The following USP24 variants were observed in gnomAD, a reference collection of about 807,000 sequenced individuals.
USP24 encodes ubiquitin specific peptidase 24, also known as ubiquitin carboxyl-terminal hydrolase 24.
In USP24, 97 loss-of-function variants were observed where a neutral mutation model predicts 361.6. That is an observed-to-expected ratio of 0.27 (90% CI 0.23 to 0.32). USP24 has a LOEUF of 0.32. Among genes scored for constraint, USP24 ranks in the 10% least tolerant of loss-of-function variants. The pLI, the probability that USP24 is intolerant of heterozygous loss-of-function variation, is 1.00. For missense variants in USP24, 2,353 were observed against 3,165.6 expected (o/e 0.74, Z 6.16); for synonymous variants, 1,098 against 1,124.6 (o/e 0.98, Z 0.47).
intron 1 of USP24, among the ~76,000 whole-genome samples, chr1:55,207,838 G>A (rs996423631): frequency 1.3e-5 from 2 of 152,160 alleles, no homozygotes; most frequent in African/African-American, 2.4e-5. Flanking sequence ...AATGAATTTT[G>A]CAATACAAAT....
intron 4 of USP24, 89 bp downstream of exon 4, chr1:55,172,288 T>C (rs1649531622): frequency 5.0e-6 from 6 of 1,200,918 alleles, no homozygotes; most frequent in Non-Finnish European, 6.6e-6. Flanking sequence ...ATAAAATTAT[T>C]ATCACTCATT....
intron 38 of USP24, among the ~76,000 whole-genome samples, chr1:55,115,321 C>T (rs1268929771): frequency 6.6e-6 from 1 of 151,456 alleles, no homozygotes; most frequent in Non-Finnish European, 1.5e-5. Context: ...ACGGTGAAAC[C>T]CCGTCTCTAC....
chr1:55,132,061 A>C (rs1325011048), intron 31 of USP24, among the ~76,000 whole-genome samples: 1 of 152,194 alleles, frequency 6.6e-6, no homozygotes, highest in Non-Finnish European at 1.5e-5. Flanking sequence ...CTGTTCCCTT[A>C]ACCACCACCA....
At chr1:55,212,086 T>C (rs1395414791) in intron 1 of USP24, among the ~76,000 whole-genome samples, 1 of 152,118 alleles carries the variant, frequency 6.6e-6, no homozygotes, top group African/African-American at 2.4e-5. Flanking sequence ...CCCCACCTCT[T>C]CTATTAACTG....
At chr1:55,211,397 C>T (rs1644843315) in intron 1 of USP24, among the ~76,000 whole-genome samples, 1 of 152,188 alleles carries the variant, frequency 6.6e-6, no homozygotes, top group South Asian at 2.1e-4. Flanking sequence ...CTAGTGAGAA[C>T]CAAACACATC....
At chr1:55,114,767 G>A (rs374649977) in intron 38 of USP24, among the ~76,000 whole-genome samples, 3 of 152,088 alleles carry the variant, frequency 2.0e-5, no homozygotes, top group Admixed American at 6.5e-5. Context: ...AGACTTAAAC[G>A]TAAGACCTAA....
intron 60 of USP24, among the ~76,000 whole-genome samples, chr1:55,078,946 CAA>C (rs112282583): frequency 0.17 from 11,513 of 68,798 alleles, 745 homozygotes; most frequent in African/African-American, 0.3. Flanking sequence ...AAATATTAAG[CAA>C]AAAAAAAAAA....
At chr1:55,204,722 T>G (rs1644661354) in intron 1 of USP24, among the ~76,000 whole-genome samples, 4 of 152,232 alleles carry the variant, frequency 2.6e-5, no homozygotes, top group Non-Finnish European at 5.9e-5. Flanking sequence ...TCTGATTTGT[T>G]CACCATTGTA....
chr1:55,072,728 C>G, intron 65 of USP24, 58 bp downstream of exon 65: 1 of 1,484,392 alleles, frequency 6.7e-7, no homozygotes, highest in Non-Finnish European at 9.1e-7. Context: ...TTTTTCCTGA[C>G]AAGATGTGCT....
Position 55,125,376 on chromosome 1 carries a change from C to G in USP24, c.3904G>C (p.Asp1302His). 6.2e-7 allele frequency: 1 copy of G among 1,614,004 alleles called. No homozygotes were observed. The highest frequency in any genetic ancestry group is 8.5e-7 in the Non-Finnish European group (1 of 1,179,886). ...TCCTCAACCCTAATAGAAGACCTAT[C>G]AGACACGGACAACTGTCGGTAGGAT... is the stretch of plus-strand genomic sequence containing the variant. ...KSSYRQLSVS[D>H]RSSIRVEEII... Residue 1302 changes from aspartate to histidine, a missense_variant, in exon 34 of 68, where the codon GAT becomes CAT. Physicochemically the swap from Asp to His is moderately conservative, Grantham distance 81. This residue lies in a region of USP24 where 949 missense variants were observed against 1,280.5 expected (regional missense o/e 0.74). Coordinates refer to ENST00000294383, the MANE Select transcript of USP24 (RefSeq NM_015306.3).
intron 56 of USP24, among the ~76,000 whole-genome samples, chr1:55,085,078 T>C (rs1645223871): frequency 6.6e-6 from 1 of 152,070 alleles, no homozygotes; most frequent in South Asian, 2.1e-4. Flanking sequence ...ATTTTGCATC[T>C]AGGTAGGATT....
intron 21 of USP24, 28 bp from the exon 22 acceptor site, chr1:55,143,147 T>C (rs1215026295): frequency 4.9e-6 from 7 of 1,441,844 alleles, no homozygotes; most frequent in Non-Finnish European, 5.5e-6. Flanking sequence ...AATTAAATTA[T>C]AAAGCATATC....
chr1:55,208,851 G>A (rs1459464967), intron 1 of USP24, among the ~76,000 whole-genome samples: 2 of 150,486 alleles, frequency 1.3e-5, no homozygotes, highest in East Asian at 2.0e-4. Flanking sequence ...CAGAAGAATC[G>A]CTTGAAACTG....
chr1:55,165,841 T>C, intron 7 of USP24, 44 bp downstream of exon 7: 1 of 1,514,864 alleles, frequency 6.6e-7, no homozygotes, highest in South Asian at 1.3e-5. Flanking sequence ...CCAACTCAAG[T>C]GAAATGAATT....
chr1:55,159,278 G>T (rs1339848965), intron 9 of USP24, among the ~76,000 whole-genome samples: 1 of 152,142 alleles, frequency 6.6e-6, no homozygotes, highest in African/African-American at 2.4e-5. Flanking sequence ...AATTTAAATG[G>T]TAAAATTGCT....
At chr1:55,069,948 CTG>C (rs1308061175) in intron 67 of USP24, among the ~76,000 whole-genome samples, 3 of 147,594 alleles carry the variant, frequency 2.0e-5, no homozygotes, top group African/African-American at 7.5e-5. Flanking sequence ...TCAAGCAGGA[CTG>C]TGTTGAGGAT....
chr1:55,093,017 A>C (rs1645416040), intron 52 of USP24, 101 bp from the exon 53 acceptor site: 5 of 702,090 alleles, frequency 7.1e-6, no homozygotes, highest in East Asian at 3.3e-5. Flanking sequence ...AAAAGCACTT[A>C]TAAAAAGTGA....
intron 14 of USP24, 30 bp from the exon 15 acceptor site, chr1:55,154,310 C>T: frequency 6.3e-7 from 1 of 1,586,456 alleles, no homozygotes; most frequent in Non-Finnish European, 8.6e-7. Flanking sequence ...GATCAGCCAG[C>T]CAATATGCAA....
intron 10 of USP24, among the ~76,000 whole-genome samples, chr1:55,158,209 A>G (rs1647893165): frequency 6.6e-6 from 1 of 152,232 alleles, no homozygotes; most frequent in Non-Finnish European, 1.5e-5. Context: ...TGTTGCCCAC[A>G]TGTGCCCATC....
Sources: gnomAD v4.1 joint callset for allele counts (sites outside exome capture counted in the v4.1 genomes callset) on GRCh38, gnomAD v4.1.1 for gene constraint, gnomAD v4.1.1 regional missense constraint, MANE v1.5 for transcripts, NCBI Gene and HGNC (gene_info 2026-07-23, HGNC 2026-07-21) for gene names.